Variants in NCR1 observed in about 807,000 individuals in gnomAD.
NCR1 encodes natural cytotoxicity triggering receptor 1.
In NCR1, 30 loss-of-function variants were observed where a neutral mutation model predicts 32.5. That is an observed-to-expected ratio of 0.92 (90% CI 0.69 to 1.25). The LOEUF is 1.25. Among genes scored for constraint, NCR1 ranks in the 50% most tolerant of loss-of-function variants. The probability of loss-of-function intolerance (pLI) is 0.00; values close to 1 mark genes in which losing one functional copy is unlikely to be tolerated. For missense variants in NCR1, 369 were observed against 380.7 expected (o/e 0.97, Z 0.26); for synonymous variants, 169 against 143.4 (o/e 1.18, Z -1.28).
At chr19:54,932,802 C>T in the NCR1 span, among the ~76,000 whole-genome samples, 6 of 151,946 alleles carry the variant, frequency 3.9e-5, no homozygotes, top group Non-Finnish European at 7.4e-5. Context: ...ACTATAGGCA[C>T]GCACCACCAA....
chr19:54,913,388 C>T (rs1242135504), downstream of NCR1, among the ~76,000 whole-genome samples: 1 of 152,206 alleles, frequency 6.6e-6, no homozygotes, highest in African/African-American at 2.4e-5. Context: ...CCTATGGTCT[C>T]TTCTAGGCTC....
Position 54,910,016 on chromosome 19 carries a change from A to G in NCR1, c.635-2A>G. 6.2e-7 allele frequency: 1 copy of G among 1,610,800 alleles called. No homozygotes were observed. Among genetic ancestry groups the G allele is most frequent in the Non-Finnish European group, 8.5e-7 (1 of 1,179,008 alleles). ...CTTTTTTTTCTTTATCTCCTTTTCC[A>G]GGCGACATTGAGAACACCAGCCTTG... On this transcript the variant is annotated splice_acceptor_variant, in intron 4 of 6. Transcript: ENST00000291890. LOFTEE classifies it high-confidence loss of function.
upstream of NCR1, among the ~76,000 whole-genome samples, chr19:54,903,405 TGTATACACGCATAC>T (rs2067352967): frequency 7.0e-6 from 1 of 143,196 alleles, no homozygotes; most frequent in Non-Finnish European, 1.5e-5. Context: ...TGTATATGTA[TGTATACACGCATAC>T]ATGTATGTAT....
upstream of NCR1, chr19:54,906,009 TTCTG>T (rs1447238152): frequency 2.7e-6 from 2 of 733,210 alleles, no homozygotes; most frequent in Non-Finnish European, 2.3e-6. Flanking sequence ...ACCACGGCCT[TTCTG>T]TAAGCTCATG....
chr19:54,910,052 C>G lies in NCR1; in HGVS notation c.669C>G (p.Asp223Glu). The part of the protein sequence containing the change: ...DIENTSLAPE[D>E]PTFPADTWGT... ...AGAACACCAGCCTTGCACCTGAAGA[C>G]CCCACCTTTCCTGGTGAGTAACTGG... Residue 223 changes from aspartate to glutamate, a missense_variant, in exon 5 of 7, where the codon GAC (aspartate) becomes GAG (glutamate). Asp to Glu is a conservative substitution (Grantham distance 45, BLOSUM62 2). Transcript: ENST00000291890. 6.2e-7 allele frequency: 1 copy of G among 1,613,750 alleles called. No homozygotes were observed.
the NCR1 span, chr19:54,934,457 A>G: frequency 1.9e-6 from 3 of 1,612,164 alleles, no homozygotes; most frequent in Non-Finnish European, 2.5e-6. The surrounding 1 kb of genome is among the most constrained non-coding windows in gnomAD (Gnocchi z 6.7). Flanking sequence ...CCAGAACTAA[A>G]CCAGAGCTGC....
At chr19:54,916,139 T>C (rs1460224822), downstream of NCR1, 1 of 151,924 alleles carries the variant, frequency 6.6e-6, no homozygotes, top group Non-Finnish European at 1.5e-5. Flanking sequence ...GCCGCTTTGC[T>C]ATGTGTGTGT....
At chr19:54,934,467 C>G in the NCR1 span, 1 of 1,613,350 alleles carries the variant, frequency 6.2e-7, no homozygotes. This position sits in a 1 kb window ranked among gnomAD's most constrained non-coding sequence, Gnocchi z 6.7. Flanking sequence ...ACCAGAGCTG[C>G]CCATGGGAAG....
the NCR1 span, among the ~76,000 whole-genome samples, chr19:54,928,102 G>A: frequency 2.6e-5 from 4 of 152,012 alleles, no homozygotes; most frequent in African/African-American, 9.7e-5. Context: ...TGCCTTTAAT[G>A]CTAGCTACTT....
upstream of NCR1, among the ~76,000 whole-genome samples, chr19:54,903,682 T>C (rs587767242): frequency 7.5e-6 from 1 of 133,954 alleles, no homozygotes; most frequent in Non-Finnish European, 1.6e-5. Context: ...TATGTATAAA[T>C]GTATATATGT....
At chr19:54,907,594 C>T (rs1044971902) in intron 3 of NCR1, among the ~76,000 whole-genome samples, 1 of 149,910 alleles carries the variant, frequency 6.7e-6, no homozygotes, top group Non-Finnish European at 1.5e-5. Context: ...TTGTTTATAC[C>T]AGCAACACCA....
At chr19:54,907,842 T>C (rs1191185194) in intron 3 of NCR1, among the ~76,000 whole-genome samples, 1 of 152,252 alleles carries the variant, frequency 6.6e-6, no homozygotes, top group Non-Finnish European at 1.5e-5. Context: ...TTTGATTGAT[T>C]AGGAAAAGTT....
downstream of NCR1, among the ~76,000 whole-genome samples, chr19:54,920,221 G>A (rs1446367998): frequency 6.6e-6 from 1 of 152,046 alleles, no homozygotes; most frequent in Non-Finnish European, 1.5e-5. Context: ...AATTGTGAAT[G>A]GCTGAGCCAG....
chr19:54,925,857 G>A, the NCR1 span, among the ~76,000 whole-genome samples: 83,781 of 151,130 alleles, frequency 0.55, 23,427 homozygotes, highest in East Asian at 0.72. Context: ...AAAATTAGCC[G>A]GGCGTGGTGG....
chr19:54,908,771 A>C (rs2067781084), intron 3 of NCR1, among the ~76,000 whole-genome samples: 1 of 151,184 alleles, frequency 6.6e-6, no homozygotes, highest in Admixed American at 6.6e-5. Context: ...TTGAGATTAC[A>C]GGCATGTGCC....
upstream of NCR1, among the ~76,000 whole-genome samples, chr19:54,903,334 A>G (rs1374495524): frequency 1.5e-5 from 2 of 134,632 alleles, no homozygotes; most frequent in South Asian, 2.2e-4. Flanking sequence ...ATATACATGT[A>G]TGTATATACA....
intron 3 of NCR1, among the ~76,000 whole-genome samples, chr19:54,908,178 G>A (rs1216403933): frequency 6.6e-6 from 1 of 152,118 alleles, no homozygotes; most frequent in African/African-American, 2.4e-5. Context: ...AGATTAGGGA[G>A]TGGTGATGAC....
At position 54,909,315 on chromosome 19, in the gene NCR1, C is replaced by A; in HGVS notation, c.426C>A (p.Phe142Leu). Residue 142 changes from phenylalanine (F) to leucine (L), a missense_variant, in exon 4 of 7, where the codon TTC becomes TTA. Coordinates refer to ENST00000291890, the MANE Select transcript of NCR1 (RefSeq NM_004829.7). ...TGATCTCGGGAGAGAAGGTGACCTTCTACTGCCGTCTAGACACTGCAACAA... is the reference window on the plus strand; with the variant it reads ...TGATCTCGGGAGAGAAGGTGACCTTATACTGCCGTCTAGACACTGCAACAA... ...PEVISGEKVT[F>L]YCRLDTATSM... 6.2e-7 allele frequency: 1 copy of A among 1,614,136 alleles called. No homozygotes were observed. The highest frequency in any genetic ancestry group is 8.5e-7 in the Non-Finnish European group (1 of 1,180,020).
At chr19:54,908,066 G>C (rs2067728631) in intron 3 of NCR1, among the ~76,000 whole-genome samples, 1 of 152,024 alleles carries the variant, frequency 6.6e-6, no homozygotes, top group Admixed American at 6.6e-5. Context: ...TAGGACAATA[G>C]TGGAGAGAAG....
Sources: gnomAD v4.1 joint callset for allele counts (sites outside exome capture counted in the v4.1 genomes callset) on GRCh38, gnomAD v4.1.1 for gene constraint, Gnocchi (gnomAD v3.1) non-coding constraint, MANE v1.5 for transcripts, NCBI Gene and HGNC (gene_info 2026-07-23, HGNC 2026-07-21) for gene names.